The following C1RL variants were observed in gnomAD, a reference collection of about 807,000 sequenced individuals.
C1RL encodes the protein complement C1r subcomponent-like protein.
C1RL carries 27 observed loss-of-function variants against 27.9 expected under a neutral mutation model. That is an observed-to-expected ratio of 0.97 (90% confidence interval 0.71 to 1.33). C1RL has a LOEUF of 1.33. C1RL is among the 40% of genes most tolerant of loss of function. The pLI is 0.00. For missense variants in C1RL, 563 were observed against 623.9 expected (o/e 0.90, Z 1.04); for synonymous variants, 248 against 252.1 (o/e 0.98, Z 0.15).
chr12:7,103,284 A>C (rs1938674770), intron 2 of C1RL, among the ~76,000 whole-genome samples: 1 of 152,220 alleles, frequency 6.6e-6, no homozygotes, highest in Non-Finnish European at 1.5e-5. Context: ...TGTTAGCGAA[A>C]TACAATTGCT....
chr12:7,096,570 G>T lies in C1RL; in HGVS notation c.1285C>A (p.His429Asn), dbSNP rs775434872. ...CCACTGTCCCCCTGGCAGACACTGT[G>T]CCTTTGCGTCTCATCCCCAACACAG... ...MFCVGDETQR[H>N]SVCQGDSGSV... The change falls in exon 6 of 6, where the codon CAC (histidine) becomes AAC (asparagine). Residue 429 changes from histidine to asparagine, a missense_variant. His to Asn is a moderately conservative substitution (Grantham distance 68). Coordinates refer to ENST00000266542, the MANE Select transcript of C1RL (RefSeq NM_016546.4). 8.7e-6 allele frequency: 14 copies of T among 1,614,034 alleles called. 1 individual carries two copies. The South Asian group carries it at 1.5e-4, about 18-fold the overall frequency.
At chr12:7,097,242 G>C (rs1212789048) in intron 5 of C1RL, 79 bp from the exon 6 acceptor site, 1 of 1,334,156 alleles carries the variant, frequency 7.5e-7, no homozygotes, top group Admixed American at 2.5e-5. Flanking sequence ...TCTCTGAAGT[G>C]CTGTGGTAGG....
rs780704422 is a variant in C1RL at position 7,099,690 on chromosome 12, C to T, written c.687G>A (p.Met229Ile). 6.4e-7 allele frequency: 1 copy of T among 1,553,232 alleles called. No individual in the cohort carries two copies. Among genetic ancestry groups the T allele is most frequent in the South Asian group, 1.2e-5 (1 of 84,168 alleles). Reference sequence around the variant, plus strand: ...TGCTAGCAGGTGGCTACTCACCAGGCATACACTGAAGAACCTCCTCCCCAT... The same window carrying T: ...TGCTAGCAGGTGGCTACTCACCAGGTATACACTGAAGAACCTCCTCCCCAT... ...RQDGEEVLQC[M>I]PVCGRPVTPI... is the part of the protein sequence containing the mutation. Residue 229 changes from methionine (M) to isoleucine (I), a missense_variant, in exon 5 of 6, where the codon ATG becomes ATA. Transcript: ENST00000266542.
In C1RL at chr12:7,095,746, G is replaced by C; in HGVS notation, c.*645C>G. 1 of 815,442 alleles carries C rather than the reference G, an allele frequency of 1.2e-6. No individual in the cohort carries two copies. Among genetic ancestry groups the C allele is most frequent in the Non-Finnish European group, 1.5e-6 (1 of 674,778 alleles). The allele number at this position is 815,442 out of a possible 1,614,324, so 50.5% of individuals were successfully genotyped here. A position where few individuals can be genotyped will look rare whatever the true frequency, so the allele number is the denominator to read the frequency against. Reference sequence around the variant, plus strand: ...GTCACACACCAGCTGTGGGACTTGGGCAAGTCCCTTTATCCCCTGAGCCTC... The same window carrying C: ...GTCACACACCAGCTGTGGGACTTGGCCAAGTCCCTTTATCCCCTGAGCCTC... On this transcript the variant is annotated 3_prime_UTR_variant, in exon 6 of 6. Transcript: ENST00000266542.
In C1RL at chr12:7,101,896, A is replaced by C. The variant is rs1938635948; in HGVS notation, c.490+2T>G. 1.2e-6 allele frequency: 2 copies of C among 1,613,892 alleles called. No individual in the cohort carries two copies. The highest frequency in any genetic ancestry group is 3.3e-5 in the Admixed American group (2 of 59,998). Reference sequence around the variant, plus strand: ...CCCTGCACCCCCAGGAGGGACACTCACCCACGGTTTGGTAGAGGGCCAGGA... The same window carrying C: ...CCCTGCACCCCCAGGAGGGACACTCCCCCACGGTTTGGTAGAGGGCCAGGA... On this transcript the variant is annotated splice_donor_variant, in intron 3 of 5. Transcript: ENST00000266542. LOFTEE classifies it high-confidence loss of function.
intron 1 of C1RL, 28 bp downstream of exon 1, chr12:7,109,082 C>G (rs909923217): frequency 1.3e-6 from 2 of 1,555,630 alleles, no homozygotes; most frequent in African/African-American, 2.7e-5. Context: ...CGTCCTCTTC[C>G]CTCCTCCTCT....
intron 2 of C1RL, among the ~76,000 whole-genome samples, chr12:7,103,264 T>C (rs1042115371): frequency 6.6e-6 from 1 of 152,224 alleles, no homozygotes; most frequent in African/African-American, 2.4e-5. Flanking sequence ...TTTTGCCCTT[T>C]TCCCTGAATT....
In C1RL at chr12:7,096,458, TAC is replaced by T. The variant is rs1192020204; in HGVS notation, c.1395_1396del (p.Tyr466Ter). 15 of 1,614,014 alleles carry T rather than the reference TAC, an allele frequency of 9.3e-6. No individual in the cohort carries two copies. Among genetic ancestry groups the T allele is most frequent in the Non-Finnish European group, 1.3e-5 (15 of 1,179,964 alleles). ...GCTGAGCACCTTGGTGTAGAAGTCA[TAC>T]CCTTCGCCACACCCTATGCCCCAGG... On this transcript the variant is annotated frameshift_variant, in exon 6 of 6. Transcript: ENST00000266542. LOFTEE classifies it high-confidence loss of function.
chr12:7,096,280 T>TCCCCCAACCCCCCA lies in C1RL; in HGVS notation c.*97_*110dup. On this transcript the variant is annotated 3_prime_UTR_variant, in exon 6 of 6. Coordinates refer to ENST00000266542, the MANE Select transcript of C1RL (RefSeq NM_016546.4). Reference sequence around the variant, plus strand: ...GTGATGTGAATAGGATTTCCCTGCCTCCCCCAACCCCCCACCCCCAACCCC... The same window carrying TCCCCCAACCCCCCA: ...GTGATGTGAATAGGATTTCCCTGCCTCCCCCAACCCCCCACCCCCAACCCCCCACCCCCAACCCC... The TCCCCCAACCCCCCA allele has an allele frequency of 1.0e-6, 1 of 992,738 alleles. No individual in the cohort carries two copies. Among genetic ancestry groups the TCCCCCAACCCCCCA allele is most frequent in the Non-Finnish European group, 1.2e-6 (1 of 832,242 alleles). The allele number at this position is 992,738 out of a possible 1,614,324, so 61.5% of individuals were successfully genotyped here. A position where few individuals can be genotyped will look rare whatever the true frequency, so the allele number is the denominator to read the frequency against.
At chr12:7,107,851 T>C (rs1433795445) in intron 2 of C1RL, among the ~76,000 whole-genome samples, 1 of 152,248 alleles carries the variant, frequency 6.6e-6, no homozygotes, top group East Asian at 1.9e-4. Context: ...GTGTGAACGG[T>C]GACTTAATCT....
intron 1 of C1RL, 97 bp downstream of exon 1, chr12:7,109,013 G>T (rs188777281): frequency 0.043 from 17,826 of 414,842 alleles, 607 homozygotes; most frequent in Middle Eastern, 0.067. Context: ...TGTGTGTGTG[G>T]GGGGGGTAGG....
intron 3 of C1RL, among the ~76,000 whole-genome samples, chr12:7,101,075 T>TCCCTCCCTCCC (rs1938603333): frequency 6.8e-6 from 1 of 147,956 alleles, no homozygotes; most frequent in African/African-American, 2.5e-5. Context: ...CTTCCTTCCT[T>TCCCTCCCTCCC]TCCTTCCTTC....
intron 2 of C1RL, among the ~76,000 whole-genome samples, chr12:7,105,496 C>T (rs1938742090): frequency 6.6e-6 from 1 of 152,190 alleles, no homozygotes; most frequent in South Asian, 2.1e-4. Flanking sequence ...TCTCAAACTC[C>T]TGGCCTCAGG....
At chr12:7,103,984 G>C (rs1400817685) in intron 2 of C1RL, among the ~76,000 whole-genome samples, 1 of 152,212 alleles carries the variant, frequency 6.6e-6, no homozygotes, top group Non-Finnish European at 1.5e-5. Context: ...CTCAACCCCA[G>C]TCGTATGACA....
In C1RL at chr12:7,096,800, C is replaced by T. The variant is rs1648450795; in HGVS notation, c.1055G>A (p.Gly352Asp). 1 of 1,605,050 alleles carries T rather than the reference C, an allele frequency of 6.2e-7. No individual in the cohort carries two copies. Residue 352 changes from glycine to aspartate, a missense_variant, in exon 6 of 6, where the codon GGC (glycine) becomes GAC (aspartate). Transcript: ENST00000266542. ...CAGACAGACCGGGAGGACGTTGGGG[C>T]CCAGGGGGATGCTGTGCTGCAGCTC... ...LLELQHSIPL[G>D]PNVLPVCLPD... is the part of the protein sequence containing the mutation.
In C1RL at chr12:7,108,491, G is replaced by C. The variant is rs1357840193; in HGVS notation, c.72-12C>G. ...GAAGCAGCCACCACCTGTGAGTTGG[G>C]GGGAGGGCAAGGTGGGGCCGCGCAG... On this transcript the variant is annotated splice_polypyrimidine_tract_variant and intron_variant, in intron 1 of 5. Transcript: ENST00000266542. 2.5e-6 allele frequency: 4 copies of C among 1,571,334 alleles called. No individual in the cohort carries two copies. Among genetic ancestry groups the C allele is most frequent in the Non-Finnish European group, 3.5e-6 (4 of 1,155,038 alleles).
chr12:7,094,567 ATAT>A lies in C1RL; in HGVS notation c.*1821_*1823del. 1.6e-6 allele frequency: 1 copy of A among 640,780 alleles called. No homozygotes were observed. Among genetic ancestry groups the A allele is most frequent in the Non-Finnish European group, 1.8e-6 (1 of 552,700 alleles). 39.7% of individuals were successfully genotyped at this position (640,780 alleles called of 1,614,324 possible). ...TACACATATAAATATAGGTATATATATATTTTTTTGCCTTGGCAGGGAGAAACT... is the reference window on the plus strand; with the variant it reads ...TACACATATAAATATAGGTATATATATTTTTTGCCTTGGCAGGGAGAAACT... On this transcript the variant is annotated 3_prime_UTR_variant, in exon 6 of 6. Transcript: ENST00000266542.
Position 7,096,280 on chromosome 12 carries a change from T to TGCCCCCCCCCCCCCCC in C1RL, c.*110_*111insGGGGGGGGGGGGGGGC. Reference sequence around the variant, plus strand: ...GTGATGTGAATAGGATTTCCCTGCCTCCCCCAACCCCCCACCCCCAACCCC... The same window carrying TGCCCCCCCCCCCCCCC: ...GTGATGTGAATAGGATTTCCCTGCCTGCCCCCCCCCCCCCCCCCCCCAACCCCCCACCCCCAACCCC... On this transcript the variant is annotated 3_prime_UTR_variant, in exon 6 of 6. Transcript: ENST00000266542. 1 of 992,738 alleles carries TGCCCCCCCCCCCCCCC rather than the reference T, an allele frequency of 1.0e-6. No individual in the cohort carries two copies. Among genetic ancestry groups the TGCCCCCCCCCCCCCCC allele is most frequent in the Non-Finnish European group, 1.2e-6 (1 of 832,242 alleles). 61.5% of individuals were successfully genotyped at this position (992,738 alleles called of 1,614,324 possible). A position where few individuals can be genotyped will look rare whatever the true frequency, so the allele number is the denominator to read the frequency against.
chr12:7,109,088 C>T, intron 1 of C1RL, 22 bp downstream of exon 1: 2 of 1,571,358 alleles, frequency 1.3e-6, no homozygotes, highest in African/African-American at 1.3e-5. Flanking sequence ...CTTCCCTCCT[C>T]CTCTGCCGGG....
Sources: allele counts gnomAD v4.1 joint callset (sites outside exome capture counted in the v4.1 genomes callset), GRCh38; gene constraint gnomAD v4.1.1; transcripts MANE v1.5; gene names NCBI Gene and HGNC (gene_info 2026-07-23, HGNC 2026-07-21).